TMEM41A: variants seen among roughly 807,000 people sequenced by gnomAD.
TMEM41A encodes transmembrane protein 41A.
TMEM41A carries 20 observed loss-of-function variants against 25.7 expected under a neutral mutation model. The observed-to-expected ratio is 0.78, with a 90% confidence interval of 0.55 to 1.13. TMEM41A has a LOEUF of 1.13. TMEM41A is among the 50% of genes most tolerant of loss of function. The pLI is 0.00. For missense variants in TMEM41A, 299 were observed against 314.3 expected, an observed-to-expected ratio of 0.95 and a Z score of 0.37; for synonymous variants, 133 against 139.6, an observed-to-expected ratio of 0.95 and a Z score of 0.33.
chr3:185,491,880 C>T (rs770348009), intron 4 of TMEM41A, 123 bp from the exon 5 acceptor site: 8 of 628,446 alleles, frequency 1.3e-5, no homozygotes, highest in Non-Finnish European at 2.2e-5. Context: ...GACCCTTATA[C>T]ATATTAACTC....
Position 185,489,708 on chromosome 3 carries a change from G to A in TMEM41A, c.*1829C>T, listed in dbSNP as rs1053831135. On this transcript the variant is annotated 3_prime_UTR_variant, in exon 5 of 5. Coordinates refer to ENST00000421852, the MANE Select transcript of TMEM41A (RefSeq NM_080652.4). ...GGTGGAGGGAGGGAGGCAACTCTAA[G>A]GATCCTGAAAAGGGGCAAAGGGCAC... The A allele has an allele frequency of 6.6e-6, 1 of 152,118 alleles. No homozygotes were observed. The highest frequency in any genetic ancestry group is 2.4e-5 in the African/African-American group (1 of 41,422). The allele number at this position is 152,118 out of a possible 1,614,324, so 9.4% of individuals were successfully genotyped here.
rs768921301 is a variant in TMEM41A, at chr3:185,495,163, C to A, written c.426G>T (p.Leu142=). 3 of 1,613,600 alleles carry A rather than the reference C, an allele frequency of 1.9e-6. No homozygotes were observed. Among genetic ancestry groups the A allele is most frequent in the Non-Finnish European group, 2.5e-6 (3 of 1,180,012 alleles). ...TGACCCCTCCCCTTACCTTTCTCTG[C>A]AGCAGGGCCACTTTATCAGGAAAGT... ...VSYFPDKVAL[L]QRKVEENRNS... is the part of the protein sequence containing the mutation. Residue 142 remains leucine, a synonymous_variant, in exon 3 of 5, where the codon CTG becomes CTT. Coordinates refer to ENST00000421852, the MANE Select transcript of TMEM41A (RefSeq NM_080652.4).
intron 4 of TMEM41A, chr3:185,492,421 A>C (rs1718985882): frequency 1.3e-5 from 2 of 152,216 alleles, no homozygotes; most frequent in African/African-American, 4.8e-5. Context: ...CTGTTTGCCA[A>C]AAGTGGGCCC....
chr3:185,495,483 C>T, intron 2 of TMEM41A, 168 bp from the exon 3 acceptor site: 1 of 664,248 alleles, frequency 1.5e-6, no homozygotes, highest in Non-Finnish European at 2.5e-6. Context: ...CTCTGTCACC[C>T]AGGCTGGAGT....
In TMEM41A at chr3:185,490,575, A is replaced by C. The variant is rs1338262190; in HGVS notation, c.*962T>G. ...ACTGTCAGGACATGCGATCATAAGG[A>C]GGTCTGACATACATGGTAATGTCAG... On this transcript the variant is annotated 3_prime_UTR_variant, in exon 5 of 5. Coordinates refer to ENST00000421852, the MANE Select transcript of TMEM41A (RefSeq NM_080652.4). 1.3e-5 allele frequency: 2 copies of C among 152,228 alleles called. No individual in the cohort carries two copies. Among genetic ancestry groups the C allele is most frequent in the Non-Finnish European group, 2.9e-5 (2 of 68,046 alleles). The allele number at this position is 152,228 out of a possible 1,614,324, so 9.4% of individuals were successfully genotyped here. A position where few individuals can be genotyped will look rare whatever the true frequency, so the allele number is the denominator to read the frequency against.
Position 185,491,250 on chromosome 3 carries a change from C to G in TMEM41A, c.*287G>C. The G allele has an allele frequency of 4.2e-6, 1 of 240,440 alleles. No individual in the cohort carries two copies. The highest frequency in any genetic ancestry group is 8.2e-6 in the Non-Finnish European group (1 of 122,444). The allele number at this position is 240,440 out of a possible 1,614,324, so 14.9% of individuals were successfully genotyped here. On this transcript the variant is annotated 3_prime_UTR_variant, in exon 5 of 5. Coordinates refer to ENST00000421852, the MANE Select transcript of TMEM41A (RefSeq NM_080652.4). ...TGACCTTGTGAATCACCGGCCTCGG[C>G]CTCCCAAAGTGCTGGGATTACAGGC... is the stretch of plus-strand genomic sequence containing the variant.
intron 4 of TMEM41A, chr3:185,492,971 T>A (rs1226761262): frequency 6.6e-6 from 1 of 152,136 alleles, no homozygotes; most frequent in African/African-American, 2.4e-5. Context: ...CCGTGGTAGA[T>A]CTTGCTTCTA....
In TMEM41A at chr3:185,498,914, G is replaced by C; in HGVS notation, c.48C>G (p.Phe16Leu). ...GTCGCGTCGACAGCAAGTACAAGGC[G>C]AAGGTGCAGCCGGCGAAGACCAGAA... ...GLLLVFAGCT[F>L]ALYLLSTRLP... is the part of the protein sequence containing the mutation. Residue 16 changes from phenylalanine (F) to leucine (L), a missense_variant, in exon 1 of 5, where the codon TTC becomes TTG. Phe to Leu is a conservative substitution (Grantham distance 22). Transcript: ENST00000421852. 6.2e-7 allele frequency: 1 copy of C among 1,606,176 alleles called. No homozygotes were observed. Among genetic ancestry groups the C allele is most frequent in the Non-Finnish European group, 8.5e-7 (1 of 1,177,000 alleles).
chr3:185,496,935 CAG>C lies in TMEM41A; in HGVS notation c.164_165del (p.Ser55Ter), dbSNP rs1311005629. Reference protein sequence around the residue: ...PSDLAELRELSEVLREYRKEH... With the variant: ...PSDLAELRELXEVLREYRKEH... The stretch of plus-strand genomic sequence containing the variant: ...TCCTTCCGGTACTCTCGAAGGACCT[CAG>C]AGAGCTCCCGCAGCTCTGCCAGGTC... On this transcript the variant is annotated frameshift_variant, in exon 2 of 5. Coordinates refer to ENST00000421852, the MANE Select transcript of TMEM41A (RefSeq NM_080652.4). LOFTEE classifies it high-confidence loss of function. 4 of 1,601,622 alleles carry C rather than the reference CAG, an allele frequency of 2.5e-6. No individual in the cohort carries two copies. In the African/African-American group the frequency reaches 5.3e-5, roughly 21 times the overall value.
intron 3 of TMEM41A, 176 bp from the exon 4 acceptor site, chr3:185,494,937 G>C: frequency 1.0e-6 from 1 of 981,304 alleles, no homozygotes; most frequent in South Asian, 1.7e-5. Context: ...GAGGATCAGA[G>C]AAGTCAAGAA....
chr3:185,496,632 G>A, intron 2 of TMEM41A, 196 bp downstream of exon 2: 2 of 669,832 alleles, frequency 3.0e-6, no homozygotes, highest in Non-Finnish European at 5.2e-6. Flanking sequence ...GAGGGAAGCA[G>A]TACAAAAGGA....
chr3:185,493,438 C>A (rs1433409605), intron 4 of TMEM41A: 3 of 152,194 alleles, frequency 2.0e-5, no homozygotes, highest in Non-Finnish European at 2.9e-5. Context: ...AGATCCTGAT[C>A]CCTGAGTCCT....
chr3:185,494,884 C>G (rs1719056306), intron 3 of TMEM41A, 123 bp from the exon 4 acceptor site: 1 of 1,247,126 alleles, frequency 8.0e-7, no homozygotes. Context: ...TCCAACAACC[C>G]TCCAGGGAAA....
At position 185,496,985 on chromosome 3, in the gene TMEM41A, G is replaced by C. The variant is rs780996779; in HGVS notation, c.120-4C>G. 9 of 1,590,562 alleles carry C rather than the reference G, an allele frequency of 5.7e-6. No homozygotes were observed. The African/African-American group carries it at 6.7e-5, about 12-fold the overall frequency. ...GTCGGAGGGGAACCACAGCGACCTG[G>C]GGATTTGGAAAAGCAGATGGAAACA... On this transcript the variant is annotated splice_polypyrimidine_tract_variant and splice_region_variant and intron_variant, in intron 1 of 4. Transcript: ENST00000421852.
In TMEM41A at chr3:185,491,578, T is replaced by C. The variant is rs774062915; in HGVS notation, c.754A>G (p.Thr252Ala). 6.2e-7 allele frequency: 1 copy of C among 1,614,208 alleles called. No individual in the cohort carries two copies. The highest frequency in any genetic ancestry group is 1.7e-5 in the Admixed American group (1 of 60,030). ...FSQKHLQLNE[T>A]STANHIHSRK... ...CTGTGTATATGATTAGCAGTACTTG[T>C]TTCATTCAATTGCAGATGTTTCTGA... The change falls in exon 5 of 5, where the codon ACA becomes GCA. Residue 252 changes from threonine to alanine, a missense_variant. Coordinates refer to ENST00000421852, the MANE Select transcript of TMEM41A (RefSeq NM_080652.4).
At chr3:185,498,541 C>T in intron 1 of TMEM41A, 1 of 295,886 alleles carries the variant, frequency 3.4e-6, no homozygotes, top group Admixed American at 5.4e-5. Context: ...GCAGGCTCAG[C>T]GCCGCGTCTC....
chr3:185,496,901 G>C lies in TMEM41A; in HGVS notation c.200C>G (p.Ala67Gly), dbSNP rs1373197830. 6.2e-7 allele frequency: 1 copy of C among 1,605,704 alleles called. No homozygotes were observed. Among genetic ancestry groups the C allele is most frequent in the East Asian group, 2.2e-5 (1 of 44,638 alleles). Residue 67 changes from alanine (A) to glycine (G), a missense_variant, in exon 2 of 5, where the codon GCC becomes GGC. Ala to Gly is a moderately conservative substitution (Grantham distance 60). Coordinates refer to ENST00000421852, the MANE Select transcript of TMEM41A (RefSeq NM_080652.4). ...VLREYRKEHQ[A>G]YVFLLFCGAY... ...GCCGCAGAAGAGCAGGAACACGTAG[G>C]CCTGGTGCTCCTTCCGGTACTCTCG...
chr3:185,491,977 A>C (rs1718971964), intron 4 of TMEM41A, among the ~76,000 whole-genome samples: 1 of 152,022 alleles, frequency 6.6e-6, no homozygotes, highest in African/African-American at 2.4e-5. Context: ...AGAACTTGAG[A>C]TATTTACACA....
At position 185,490,991 on chromosome 3, in the gene TMEM41A, TTC is replaced by T. The variant is rs1718930136; in HGVS notation, c.*544_*545del. ...AAAATACAAACAGCATTTTCTTTTT[TTC>T]TCTTTTTTTTTTTTTTTTTGTCAAG... On this transcript the variant is annotated 3_prime_UTR_variant, in exon 5 of 5. Transcript: ENST00000421852. 1 of 141,062 alleles carries T rather than the reference TTC, an allele frequency of 7.1e-6. No homozygotes were observed. The highest frequency in any genetic ancestry group is 1.5e-5 in the Non-Finnish European group (1 of 65,770). 8.7% of individuals were successfully genotyped at this position (141,062 alleles called of 1,614,324 possible).
Sources: allele counts gnomAD v4.1 joint callset (sites outside exome capture counted in the v4.1 genomes callset), GRCh38; gene constraint gnomAD v4.1.1; transcripts MANE v1.5; gene names NCBI Gene and HGNC (gene_info 2026-07-23, HGNC 2026-07-21).